The following TMEM260 variants were observed in gnomAD, a reference collection of about 807,000 sequenced individuals.
TMEM260 encodes transmembrane protein 260.
A neutral mutation model predicts 88.9 loss-of-function variants in TMEM260; 82 were observed. The ratio of observed to expected loss-of-function variants is 0.92; its 90% confidence interval spans 0.77 to 1.11. The LOEUF (loss-of-function observed/expected upper bound fraction) is 1.11, where lower values mean the gene tolerates loss of function less well. TMEM260 is among the 50% of genes least tolerant of loss of function. TMEM260 has a pLI of 0.00. For missense variants in TMEM260, 902 were observed against 853.4 expected (o/e 1.06, Z -0.71); for synonymous variants, 314 against 309.3 (o/e 1.02, Z -0.16).
chr14:56,660,046 A>G, the TMEM260 span, among the ~76,000 whole-genome samples: 2 of 152,212 alleles, frequency 1.3e-5, no homozygotes, highest in African/African-American at 4.8e-5. Flanking sequence ...ACCTGCTACT[A>G]TAAATTTCAC....
chr14:56,592,826 C>T (rs2139518031), intron 3 of TMEM260, among the ~76,000 whole-genome samples: 1 of 152,308 alleles, frequency 6.6e-6, no homozygotes, highest in Admixed American at 6.5e-5. Context: ...TAGGAATTCT[C>T]AGTACACTCA....
At chr14:56,657,769 T>C in the TMEM260 span, among the ~76,000 whole-genome samples, 2 of 152,336 alleles carry the variant, frequency 1.3e-5, no homozygotes, top group Middle Eastern at 3.4e-3. Flanking sequence ...TCTTGGGCTA[T>C]CTGGAGCTTT....
intron 12 of TMEM260, among the ~76,000 whole-genome samples, chr14:56,632,182 C>G (rs942068669): frequency 1.3e-5 from 2 of 152,230 alleles, no homozygotes; most frequent in Admixed American, 6.5e-5. Flanking sequence ...CACCCCATTA[C>G]TTTCCAGCTT....
intron 15 of TMEM260, among the ~76,000 whole-genome samples, chr14:56,638,899 A>G (rs1330304361): frequency 1.3e-5 from 2 of 152,248 alleles, no homozygotes; most frequent in Admixed American, 6.5e-5. Flanking sequence ...CAACACATGT[A>G]TATAGAGGAG....
the TMEM260 span, among the ~76,000 whole-genome samples, chr14:56,662,102 A>G: frequency 6.6e-6 from 1 of 152,240 alleles, no homozygotes; most frequent in Non-Finnish European, 1.5e-5. Flanking sequence ...CCCAAGTGGC[A>G]AGAGCCATGA....
intron 12 of TMEM260, among the ~76,000 whole-genome samples, chr14:56,629,029 G>T (rs886384437): frequency 6.6e-5 from 10 of 151,850 alleles, no homozygotes; most frequent in African/African-American, 2.4e-4. Context: ...CTGAGTAGCT[G>T]GGATTACAGG....
At chr14:56,611,877 A>G (rs900340829) in intron 6 of TMEM260, among the ~76,000 whole-genome samples, 7 of 152,200 alleles carry the variant, frequency 4.6e-5, no homozygotes, top group Admixed American at 3.9e-4. Context: ...GAATGAGTTA[A>G]TGTCCTAAGC....
chr14:56,617,671 C>T (rs149336402), intron 9 of TMEM260, among the ~76,000 whole-genome samples: 3 of 152,176 alleles, frequency 2.0e-5, no homozygotes, highest in Non-Finnish European at 2.9e-5. Flanking sequence ...CTCCCCAGTC[C>T]CAGGCCTAGG....
chr14:56,628,184 G>A lies in TMEM260; in HGVS notation c.1547+2654G>A, dbSNP rs550350383. 1.6e-3 allele frequency among the ~76,000 whole-genome samples: 245 copies of A among 152,178 alleles called. 2 individuals are homozygous for A. Among genetic ancestry groups the A allele is most frequent in the Non-Finnish European group, 3.0e-3 (207 of 67,996 alleles). On this transcript the variant is annotated intron_variant, in intron 12 of 15. Coordinates refer to ENST00000261556, the MANE Select transcript of TMEM260 (RefSeq NM_017799.4). ...GGACAGTTGGGTTGTTTCAAGTTTG[G>A]GGCATTTATAAATAGAGCTGCTATA...
intron 4 of TMEM260, 140 bp from the exon 5 acceptor site, chr14:56,605,430 A>G (rs1272652078): frequency 4.3e-5 from 18 of 416,238 alleles, no homozygotes; most frequent in Non-Finnish European, 3.4e-5. Flanking sequence ...GATTATTAAA[A>G]TAACTGCTTG....
chr14:56,638,555 GCT>G (rs1016771664), intron 15 of TMEM260, among the ~76,000 whole-genome samples: 21 of 152,144 alleles, frequency 1.4e-4, no homozygotes, highest in African/African-American at 4.6e-4. Flanking sequence ...GGGTCAGAGA[GCT>G]CTGTTTTTTT....
At chr14:56,623,207 T>C (rs2139602464) in intron 11 of TMEM260, among the ~76,000 whole-genome samples, 1 of 152,314 alleles carries the variant, frequency 6.6e-6, no homozygotes, top group East Asian at 1.9e-4. Context: ...GACTGAGTTT[T>C]TAGCCTCACA....
In TMEM260 at chr14:56,580,163, C is replaced by G. The variant is rs546012270; in HGVS notation, c.160+89C>G. 16 of 1,138,182 alleles carry G rather than the reference C, an allele frequency of 1.4e-5. No individual in the cohort carries two copies. In the South Asian group the frequency reaches 4.5e-4, roughly 32 times the overall value. The allele number at this position is 1,138,182 out of a possible 1,614,324, so 70.5% of individuals were successfully genotyped here. ...GCGTCTGGCCCCTGCTCTTGGCATT[C>G]GGTCTGGTCAGCTCTGGGCCTCCAT... On this transcript the variant is annotated intron_variant, in intron 1 of 15. Coordinates refer to ENST00000261556, the MANE Select transcript of TMEM260 (RefSeq NM_017799.4).
intron 7 of TMEM260, 78 bp from the exon 8 acceptor site, chr14:56,615,866 G>A: frequency 1.0e-6 from 1 of 1,004,760 alleles, no homozygotes; most frequent in South Asian, 1.3e-5. Context: ...ATAATCAATG[G>A]TATCTTACAA....
At chr14:56,635,212 A>G (rs1019364157) in intron 14 of TMEM260, among the ~76,000 whole-genome samples, 1 of 152,244 alleles carries the variant, frequency 6.6e-6, no homozygotes, top group African/African-American at 2.4e-5. Flanking sequence ...CCAAGGGCAC[A>G]CTGCTGCTAG....
intron 15 of TMEM260, among the ~76,000 whole-genome samples, chr14:56,645,305 A>T (rs1368271851): frequency 3.9e-5 from 6 of 152,002 alleles, no homozygotes; most frequent in African/African-American, 1.4e-4. Context: ...ATGGAATACT[A>T]TGCAGCCATA....
chr14:56,580,013 C>G lies in TMEM260; in HGVS notation c.99C>G (p.Phe33Leu). Residue 33 changes from phenylalanine to leucine, a missense_variant, in exon 1 of 16, where the codon TTC (phenylalanine) becomes TTG (leucine). By Grantham distance (22) the Phe-to-Leu change is conservative. Transcript: ENST00000261556. ...GCATCCGCGGCGGCGTGGCGGTGTT[C>G]GCCGCCGTGGCCGCAGTGTTCACCT... ...SGGIRGGVAV[F>L]AAVAAVFTFT... 8.0e-7 allele frequency: 1 copy of G among 1,247,886 alleles called. No homozygotes were observed. The highest frequency in any genetic ancestry group is 3.1e-5 in the East Asian group (1 of 31,864). 77.3% of individuals were successfully genotyped at this position (1,247,886 alleles called of 1,614,324 possible).
At chr14:56,606,319 C>G (rs796941705) in intron 5 of TMEM260, among the ~76,000 whole-genome samples, 1 of 152,212 alleles carries the variant, frequency 6.6e-6, no homozygotes, top group African/African-American at 2.4e-5. Flanking sequence ...AGTCTATATA[C>G]AAAGCCAGCA....
intron 7 of TMEM260, among the ~76,000 whole-genome samples, chr14:56,614,304 C>T (rs1476544538): frequency 6.6e-6 from 1 of 151,524 alleles, no homozygotes; most frequent in African/African-American, 2.4e-5. Flanking sequence ...CGCTTGAGCC[C>T]AGGAGGTCGA....
Sources: allele counts gnomAD v4.1 joint callset (sites outside exome capture counted in the v4.1 genomes callset), GRCh38; gene constraint gnomAD v4.1.1; transcripts MANE v1.5; gene names NCBI Gene and HGNC (gene_info 2026-07-23, HGNC 2026-07-21).